The following PRSS56 variants were observed in gnomAD, a reference collection of about 807,000 sequenced individuals.
PRSS56 encodes the protein protease, serine 56.
A neutral mutation model predicts 66.8 loss-of-function variants in PRSS56; 55 were observed. The ratio of observed to expected loss-of-function variants is 0.82; its 90% CI spans 0.66 to 1.03. The LOEUF (loss-of-function observed/expected upper bound fraction) is 1.03, where lower values mean the gene tolerates loss of function less well. Among genes scored for constraint, PRSS56 ranks in the 50% least tolerant of loss-of-function variants. The pLI, the probability that PRSS56 is intolerant of heterozygous loss-of-function variation, is 0.00. For missense variants in PRSS56, 869 were observed against 837.2 expected (o/e 1.04, Z -0.47); for synonymous variants, 409 against 387.9 (o/e 1.05, Z -0.64).
Position 232,523,456 on chromosome 2 carries a change from C to T in PRSS56, c.890C>T (p.Pro297Leu). The T allele has an allele frequency of 1.3e-6, 2 of 1,505,828 alleles. No homozygotes were observed. The highest frequency in any genetic ancestry group is 8.8e-7 in the Non-Finnish European group (1 of 1,132,272). The allele number at this position is 1,505,828 out of a possible 1,614,324, so 93.3% of individuals were successfully genotyped here. ...GGPLTCSEPG[P>L]RPREVLFGVT... is the part of the protein sequence containing the mutation. ...CCCCTGACCTGTTCTGAGCCTGGCCCCCGCCCTAGAGAGGTCCTGTTCGGA... is the reference window on the plus strand; with the variant it reads ...CCCCTGACCTGTTCTGAGCCTGGCCTCCGCCCTAGAGAGGTCCTGTTCGGA... Residue 297 changes from proline (P) to leucine (L), a missense_variant, in exon 8 of 13, where the codon CCC becomes CTC. By Grantham distance (98) the Pro-to-Leu change is moderately conservative. This residue lies in a region of PRSS56 where 551 missense variants were observed against 506.9 expected (regional missense o/e 1.09). Coordinates refer to ENST00000617714, the MANE Select transcript of PRSS56 (RefSeq NM_001195129.2).
At chr2:232,521,166 T>C (rs1389932859) in intron 1 of PRSS56, among the ~76,000 whole-genome samples, 155 bp from the exon 2 acceptor site, 1 of 152,270 alleles carries the variant, frequency 6.6e-6, no homozygotes, top group Admixed American at 6.5e-5. Context: ...GCACGGGCTC[T>C]GAGTGCTGGG....
At position 232,524,363 on chromosome 2, in the gene PRSS56, G is replaced by A. The variant is rs1002204599; in HGVS notation, c.1408G>A (p.Ala470Thr). The change falls in exon 11 of 13, where the codon GCC becomes ACC. Residue 470 changes from alanine to threonine, a missense_variant. Coordinates refer to ENST00000617714, the MANE Select transcript of PRSS56 (RefSeq NM_001195129.2). ...PKRRPEPRGE[A>T]NGCPGLEPLR... ...GCGGAGGCCGGAGCCGCGCGGAGAA[G>A]CCAACGGTAATGACGCCCCCTGCCG... The A allele has an allele frequency of 1.4e-5, 21 of 1,535,262 alleles. No individual in the cohort carries two copies. The highest frequency in any genetic ancestry group is 1.6e-5 in the Non-Finnish European group (18 of 1,146,656).
At chr2:232,522,450 T>C (rs1691301930) in intron 4 of PRSS56, 65 bp from the exon 5 acceptor site, 6 of 1,352,696 alleles carry the variant, frequency 4.4e-6, no homozygotes, top group Non-Finnish European at 5.9e-6. Context: ...AGGGGCAGGG[T>C]CTCCGAGGGG....
rs1054325776 is a variant in PRSS56, at chr2:232,523,263, T to C, written c.849+61T>C. On this transcript the variant is annotated intron_variant, in intron 7 of 12. Transcript: ENST00000617714. ...GCCTTCCCAGGGCCACTACGGCCTC[T>C]TTTCCTTCCACGTCTGTCTGTCACT... The C allele has an allele frequency of 1.1e-5, 16 of 1,422,378 alleles. No homozygotes were observed. The East Asian group carries it at 1.8e-4, about 16-fold the overall frequency. 88.1% of individuals were successfully genotyped at this position (1,422,378 alleles called of 1,614,324 possible).
At chr2:232,523,035 T>A in intron 6 of PRSS56, 25 bp from the exon 7 acceptor site, 3 of 1,532,174 alleles carry the variant, frequency 2.0e-6, no homozygotes, top group Non-Finnish European at 2.6e-6. Context: ...CCTCCAAACC[T>A]GAGCCTTCCA....
In PRSS56 at chr2:232,523,142, G is replaced by A; in HGVS notation, c.789G>A (p.Gly263=). Residue 263 remains glycine (G), a synonymous_variant, in exon 7 of 13, where the codon GGG becomes GGA. Coordinates refer to ENST00000617714, the MANE Select transcript of PRSS56 (RefSeq NM_001195129.2). The part of the protein sequence containing the change: ...TDTCRRALGP[G]LRPSTMLCAG... ...CCTGCCGAAGAGCCCTGGGGCCCGG[G>A]CTGCGCCCCAGCACCATGCTCTGCG... The A allele has an allele frequency of 6.5e-7, 1 of 1,532,178 alleles. No homozygotes were observed. The highest frequency in any genetic ancestry group is 8.7e-7 in the Non-Finnish European group (1 of 1,144,794). The allele number at this position is 1,532,178 out of a possible 1,614,324, so 94.9% of individuals were successfully genotyped here. A position where few individuals can be genotyped will look rare whatever the true frequency, so the allele number is the denominator to read the frequency against.
At chr2:232,522,465 C>T (rs1361180782) in intron 4 of PRSS56, 50 bp from the exon 5 acceptor site, 6 of 1,443,266 alleles carry the variant, frequency 4.2e-6, no homozygotes, top group South Asian at 1.3e-5. Context: ...GAGGGGCCTG[C>T]GGGGTGTGCC....
At chr2:232,521,561 A>G (rs1691277662) in intron 2 of PRSS56, 133 bp downstream of exon 2, 1 of 818,968 alleles carries the variant, frequency 1.2e-6, no homozygotes, top group South Asian at 1.6e-5. Flanking sequence ...AACCTAGACT[A>G]CGTTTGTGAA....
intron 7 of PRSS56, 61 bp from the exon 8 acceptor site, chr2:232,523,355 G>T: frequency 7.0e-7 from 1 of 1,425,966 alleles, no homozygotes; most frequent in Non-Finnish European, 9.2e-7. Context: ...ACACCTGCCA[G>T]GCGTAAGGCA....
chr2:232,523,650 C>G, intron 8 of PRSS56, 72 bp downstream of exon 8: 1 of 1,503,802 alleles, frequency 6.6e-7, no homozygotes, highest in Non-Finnish European at 8.9e-7. Flanking sequence ...CCGTTTCCAC[C>G]CGGCCCATGC....
intron 4 of PRSS56, 136 bp downstream of exon 4, chr2:232,522,296 C>G: frequency 1.0e-6 from 1 of 954,486 alleles, no homozygotes. Flanking sequence ...CGGGCTTCCC[C>G]ATCTCAAGGC....
At position 232,522,793 on chromosome 2, in the gene PRSS56, C is replaced by T. The variant is rs1423196165; in HGVS notation, c.638C>T (p.Pro213Leu). Residue 213 changes from proline to leucine, a missense_variant, in exon 6 of 13, where the codon CCC (proline) becomes CTC (leucine). Coordinates refer to ENST00000617714, the MANE Select transcript of PRSS56 (RefSeq NM_001195129.2). Reference sequence around the variant, plus strand: ...GGATCGGCGCGCCCCGTGTGCCTGCCCCAGGAGCCCCAGGAGCCCCCTGCC... The same window carrying T: ...GGATCGGCGCGCCCCGTGTGCCTGCTCCAGGAGCCCCAGGAGCCCCCTGCC... ...PGGSARPVCL[P>L]QEPQEPPAGT... The T allele has an allele frequency of 1.3e-6, 2 of 1,500,248 alleles. No homozygotes were observed. Among genetic ancestry groups the T allele is most frequent in the Non-Finnish European group, 8.9e-7 (1 of 1,126,104 alleles). 92.9% of individuals were successfully genotyped at this position (1,500,248 alleles called of 1,614,324 possible).
In PRSS56 at chr2:232,524,124, G is replaced by A. The variant is rs1341084345; in HGVS notation, c.1272G>A (p.Leu424=). The A allele has an allele frequency of 2.6e-6, 4 of 1,512,606 alleles. No homozygotes were observed. The Admixed American group carries it at 8.2e-5, about 31-fold the overall frequency. The allele number at this position is 1,512,606 out of a possible 1,614,324, so 93.7% of individuals were successfully genotyped here. ...GGCCTCGTCCGGGACTGCGGCGCCT[G>A]GCCCCCGCCCTGGCTCTCCCCGCTC... ...LLGPRPGLRR[L]APALALPAPA... is the part of the protein sequence containing the mutation. The change falls in exon 10 of 13, where the codon CTG becomes CTA. Residue 424 remains leucine (L), a synonymous_variant. Coordinates refer to ENST00000617714, the MANE Select transcript of PRSS56 (RefSeq NM_001195129.2).
rs1442124385 is a variant in PRSS56, at chr2:232,525,379, TC to T, written c.1687del (p.Arg563AlafsTer17). On this transcript the variant is annotated frameshift_variant, in exon 13 of 13. Transcript: ENST00000617714. LOFTEE classifies it low-confidence loss of function (END_TRUNC). Reference sequence around the variant, plus strand: ...CTGCTGGTGCAGGCCCTGCAGGCCTTCCGCGTGGCTGCCCTGGCAGAAGGGG... The same window carrying T: ...CTGCTGGTGCAGGCCCTGCAGGCCTTCGCGTGGCTGCCCTGGCAGAAGGGG... ...PRLLVQALQA[F>X]RVAALAEGEP... 1.3e-6 allele frequency: 2 copies of T among 1,533,940 alleles called. No homozygotes were observed. The highest frequency in any genetic ancestry group is 4.9e-5 in the East Asian group (2 of 40,866).
chr2:232,522,004 A>G lies in PRSS56; in HGVS notation c.290A>G (p.Asn97Ser), dbSNP rs1175056618. The G allele has an allele frequency of 4.1e-6, 6 of 1,454,878 alleles. No individual in the cohort carries two copies. In the African/African-American group the frequency reaches 5.8e-5, roughly 14 times the overall value. 90.1% of individuals were successfully genotyped at this position (1,454,878 alleles called of 1,614,324 possible). Residue 97 changes from asparagine to serine, a missense_variant, in exon 4 of 13, where the codon AAT becomes AGT. Physicochemically the swap from Asn to Ser is conservative, Grantham distance 46 (BLOSUM62 1). Transcript: ENST00000617714. The part of the protein sequence containing the change: ...PCGERRPSTA[N>S]VTRAHGRIVG... ...GGCGAGAGGCGTCCGAGCACTGCCA[A>G]TGTGACGCGGGCCCACGGCCGCATC...
At chr2:232,522,244 C>G (rs1691295944) in intron 4 of PRSS56, 84 bp downstream of exon 4, 1 of 1,260,774 alleles carries the variant, frequency 7.9e-7, no homozygotes, top group African/African-American at 1.6e-5. Flanking sequence ...GGGCGACGCG[C>G]GGGAAAGGTG....
Position 232,525,384 on chromosome 2 carries a change from G to C in PRSS56, c.1690G>C (p.Val564Leu). The change falls in exon 13 of 13, where the codon GTG becomes CTG. Residue 564 changes from valine to leucine, a missense_variant. Physicochemically the swap from Val to Leu is conservative, Grantham distance 32. Around this residue, in one of 3 missense-constraint regions of PRSS56, gnomAD observed 551 missense variants for 506.9 expected, o/e 1.09. Transcript: ENST00000617714. The part of the protein sequence containing the change: ...LLVQALQAFR[V>L]AALAEGEPEG... ...GGTGCAGGCCCTGCAGGCCTTCCGC[G>C]TGGCTGCCCTGGCAGAAGGGGAGCC... 1 of 1,533,740 alleles carries C rather than the reference G, an allele frequency of 6.5e-7. No homozygotes were observed. The highest frequency in any genetic ancestry group is 1.2e-5 in the South Asian group (1 of 83,912).
At position 232,524,145 on chromosome 2, in the gene PRSS56, C is replaced by T. The variant is rs919428255; in HGVS notation, c.1293C>T (p.Pro431=). The stretch of plus-strand genomic sequence containing the variant: ...GCCTGGCCCCCGCCCTGGCTCTCCC[C>T]GCTCCAGCGCTCAGGGAGTCTCCTC... ...LRRLAPALAL[P]APALRESPLH... is the part of the protein sequence containing the mutation. The change falls in exon 10 of 13, where the codon CCC becomes CCT. Residue 431 remains proline, a synonymous_variant. Transcript: ENST00000617714. The T allele has an allele frequency of 5.3e-6, 8 of 1,512,984 alleles. No homozygotes were observed. The highest frequency in any genetic ancestry group is 5.1e-5 in the East Asian group (2 of 39,292). 93.7% of individuals were successfully genotyped at this position (1,512,984 alleles called of 1,614,324 possible). A position where few individuals can be genotyped will look rare whatever the true frequency, so the allele number is the denominator to read the frequency against.
rs372639355 is a variant in PRSS56 at position 232,522,761 on chromosome 2, C to T, written c.606C>T (p.Ser202=). ...TGGTGCAGCTGTGGACGCCGGTGAG[C>T]CCGGGGGGATCGGCGCGCCCCGTGT... The part of the protein sequence containing the change: ...LALVQLWTPV[S]PGGSARPVCL... Residue 202 remains serine, a synonymous_variant, in exon 6 of 13, where the codon AGC becomes AGT. Coordinates refer to ENST00000617714, the MANE Select transcript of PRSS56 (RefSeq NM_001195129.2). 5.6e-5 allele frequency: 86 copies of T among 1,528,560 alleles called. No individual in the cohort carries two copies. The highest frequency in any genetic ancestry group is 3.8e-4 in the South Asian group (32 of 83,704). The allele number at this position is 1,528,560 out of a possible 1,614,324, so 94.7% of individuals were successfully genotyped here.
Sources: allele counts gnomAD v4.1 joint callset (sites outside exome capture counted in the v4.1 genomes callset), GRCh38; gene constraint gnomAD v4.1.1; regional missense constraint gnomAD v4.1.1; transcripts MANE v1.5; gene names NCBI Gene and HGNC (gene_info 2026-07-23, HGNC 2026-07-21).